ZNF595: variants seen among roughly 807,000 people sequenced by gnomAD.
The protein encoded by ZNF595 is zinc finger protein 595.
In ZNF595, 9 loss-of-function variants were observed where a neutral mutation model predicts 19.4. The observed-to-expected ratio is 0.46, with a 90% CI of 0.28 to 0.81. The LOEUF is 0.81. ZNF595 is among the 30% of genes least tolerant of loss of function. The probability of loss-of-function intolerance (pLI) is 0.11; values close to 1 mark genes in which losing one functional copy is unlikely to be tolerated. For missense variants in ZNF595, 729 were observed against 736.0 expected (o/e 0.99, Z 0.11); for synonymous variants, 255 against 255.9 (o/e 1.00, Z 0.03).
chr4:87,585 T>C lies in ZNF595; in HGVS notation c.*134T>C. On this transcript the variant is annotated 3_prime_UTR_variant, in exon 4 of 4. Transcript: ENST00000610261. ...AATTTCTGTAGGTACATAGTATGTG[T>C]ATCTATTCATGGCTTATTTGGATTA... 1.4e-6 allele frequency: 1 copy of C among 726,694 alleles called. No homozygotes were observed. The highest frequency in any genetic ancestry group is 3.1e-5 in the South Asian group (1 of 32,324). The allele number at this position is 726,694 out of a possible 1,614,324, so 45.0% of individuals were successfully genotyped here. A position where few individuals can be genotyped will look rare whatever the true frequency, so the allele number is the denominator to read the frequency against.
chr4:83,884 T>G (rs1324522807), intron 3 of ZNF595, among the ~76,000 whole-genome samples: 1 of 151,958 alleles, frequency 6.6e-6, no homozygotes, highest in African/African-American at 2.4e-5. Flanking sequence ...CTTATTTTAT[T>G]CATGTTATTT....
chr4:82,444 C>T (rs797028458), intron 3 of ZNF595, among the ~76,000 whole-genome samples: 32 of 133,016 alleles, frequency 2.4e-4, no homozygotes, highest in African/African-American at 7.9e-4. Context: ...AGTGCAACAG[C>T]GTGATCTCAG....
At chr4:82,376 T>TTTG (rs1713949917) in intron 3 of ZNF595, among the ~76,000 whole-genome samples, 2 of 91,642 alleles carry the variant, frequency 2.2e-5, no homozygotes, top group African/African-American at 1.1e-4. Context: ...TTTGTGGTTT[T>TTTG]TTTTTTTTTT....
Position 87,411 on chromosome 4 carries a change from C to T in ZNF595, c.1907C>T (p.Thr636Ile), listed in dbSNP as rs370216758. 45 of 1,609,906 alleles carry T rather than the reference C, an allele frequency of 2.8e-5. No individual in the cohort carries two copies. Among genetic ancestry groups the T allele is most frequent in the Non-Finnish European group, 3.5e-5 (41 of 1,177,904 alleles). Residue 636 changes from threonine to isoleucine, a missense_variant, in exon 4 of 4, where the codon ACT (threonine) becomes ATT (isoleucine). By Grantham distance (89) the Thr-to-Ile change is moderately conservative. Around this residue, in one of 2 missense-constraint regions of ZNF595, gnomAD observed 729 missense variants for 675.3 expected, o/e 1.08. Coordinates refer to ENST00000610261, the MANE Select transcript of ZNF595 (RefSeq NM_182524.4). ...GCTTTTAATCGGCCCTCAACCCTTA[C>T]TGTACACAAGCGAATTCATACTGGC... ...GKAFNRPSTL[T>I]VHKRIHTGKE... is the part of the protein sequence containing the mutation.
In ZNF595 at chr4:87,229, A is replaced by T; in HGVS notation, c.1725A>T (p.Leu575Phe). 5 of 1,594,896 alleles carry T rather than the reference A, an allele frequency of 3.1e-6. No individual in the cohort carries two copies. The Middle Eastern group carries it at 5.1e-4, about 161-fold the overall frequency. Residue 575 changes from leucine (L) to phenylalanine (F), a missense_variant, in exon 4 of 4, where the codon TTA becomes TTT. By Grantham distance (22) the Leu-to-Phe change is conservative (BLOSUM62 0). Around this residue, in one of 2 missense-constraint regions of ZNF595, gnomAD observed 729 missense variants for 675.3 expected, o/e 1.08. Transcript: ENST00000610261. ...KCKECGKAYN[L>F]SSTLTKHKRI... ...AAGAATGTGGCAAAGCCTATAACTT[A>T]TCCTCAACCCTTACTAAACATAAGA... is the stretch of plus-strand genomic sequence containing the variant.
chr4:77,015 C>A (rs1553798838), intron 3 of ZNF595, among the ~76,000 whole-genome samples: 1 of 152,060 alleles, frequency 6.6e-6, no homozygotes, highest in African/African-American at 2.4e-5. Context: ...AAATTTAGGA[C>A]ATTATCTTTA....
At chr4:75,813 G>GT (rs75823121) in intron 3 of ZNF595, among the ~76,000 whole-genome samples, 2,369 of 131,042 alleles carry the variant, frequency 0.018, 38 homozygotes, top group African/African-American at 0.05. Flanking sequence ...TTTTTTGGTT[G>GT]TTTTTTTTTT....
At chr4:83,619 C>CAAAAAAAAAAAAAAAAAA (rs71164492) in intron 3 of ZNF595, among the ~76,000 whole-genome samples, 5 of 38,598 alleles carry the variant, frequency 1.3e-4, no homozygotes, top group Admixed American at 3.5e-4. Context: ...GACTCCGTCT[C>CAAAAAAAAAAAAAAAAAA]AAAAAAAAAA....
chr4:82,389 T>TTTG (rs1713952643), intron 3 of ZNF595, among the ~76,000 whole-genome samples: 1 of 115,422 alleles, frequency 8.7e-6, no homozygotes, highest in African/African-American at 3.9e-5. Context: ...TTTTTTTTTT[T>TTTG]TTTTTTTTTT....
At chr4:73,240 G>A (rs1713504605) in intron 3 of ZNF595, among the ~76,000 whole-genome samples, 1 of 151,292 alleles carries the variant, frequency 6.6e-6, no homozygotes, top group African/African-American at 2.4e-5. Context: ...GAGCAAACAA[G>A]ATTAGAAAGT....
intron 3 of ZNF595, among the ~76,000 whole-genome samples, chr4:71,251 A>C (rs1388428159): frequency 1.3e-5 from 2 of 152,232 alleles, no homozygotes; most frequent in Admixed American, 1.3e-4. Context: ...TTCAAATATA[A>C]AACTACATCA....
Position 85,852 on chromosome 4 carries a change from C to A in ZNF595, c.348C>A (p.Gly116=). ...ATGAGAATTTACAATTAAGAAAAGG[C>A]TGTAAACGTGTGAATGAGTGTAAGG... ...CGHENLQLRK[G]CKRVNECKVQ... The change falls in exon 4 of 4, where the codon GGC becomes GGA. Residue 116 remains glycine (G), a synonymous_variant. Transcript: ENST00000610261. 6.2e-7 allele frequency: 1 copy of A among 1,614,004 alleles called. No homozygotes were observed.
chr4:78,962 G>T (rs1484136215), intron 3 of ZNF595, among the ~76,000 whole-genome samples: 6 of 152,166 alleles, frequency 3.9e-5, no homozygotes, highest in African/African-American at 1.4e-4. Flanking sequence ...GAAAGTGCTG[G>T]GATTACAGGC....
intron 3 of ZNF595, chr4:60,524 C>G (rs1581321811): frequency 8.3e-4 from 369 of 444,786 alleles, no homozygotes; most frequent in African/African-American, 6.4e-3. Context: ...GCCTAAAATA[C>G]GTAAGGTGAG....
chr4:72,222 A>G (rs1553797984), intron 3 of ZNF595, among the ~76,000 whole-genome samples: 1 of 152,252 alleles, frequency 6.6e-6, no homozygotes, highest in Non-Finnish European at 1.5e-5. Flanking sequence ...AAAAAAATCT[A>G]GTGATGTATT....
chr4:68,556 G>A (rs1713294242), intron 3 of ZNF595: 1 of 152,284 alleles, frequency 6.6e-6, no homozygotes. Context: ...TATCTATGAA[G>A]AAACGAGGAC....
At chr4:78,833 A>T (rs1005429082) in intron 3 of ZNF595, among the ~76,000 whole-genome samples, 2 of 152,138 alleles carry the variant, frequency 1.3e-5, no homozygotes, top group African/African-American at 2.4e-5. Context: ...AGCTGGGATT[A>T]CAGGAATGCA....
chr4:85,129 G>A lies in ZNF595; in HGVS notation c.227-602G>A, dbSNP rs74529587. Among the ~76,000 whole-genome samples, 883 of 152,222 alleles carry A rather than the reference G, an allele frequency of 5.8e-3. 3 individuals are homozygous for A. Among genetic ancestry groups the A allele is most frequent in the Middle Eastern group, 0.01 (3 of 294 alleles). Reference sequence around the variant, plus strand: ...AAGGATGTGTCTTGTCTGGAATTTTGTGTTTGTTTTTCAGTGAAAAGGGAT... The same window carrying A: ...AAGGATGTGTCTTGTCTGGAATTTTATGTTTGTTTTTCAGTGAAAAGGGAT... On this transcript the variant is annotated intron_variant, in intron 3 of 3. Transcript: ENST00000610261.
rs181634436 is a variant in ZNF595 at position 80,276 on chromosome 4, C to A, written c.227-5455C>A. Among the ~76,000 whole-genome samples, 6 of 152,290 alleles carry A rather than the reference C, an allele frequency of 3.9e-5. No individual in the cohort carries two copies. In the East Asian group the frequency reaches 1.2e-3, roughly 29 times the overall value. On this transcript the variant is annotated intron_variant, in intron 3 of 3. Coordinates refer to ENST00000610261, the MANE Select transcript of ZNF595 (RefSeq NM_182524.4). ...TCAGGTGATCCACCCGCCTCGGCCT[C>A]CCAAAGTGCTGGGATTATAGGCGTG...
Sources: allele counts gnomAD v4.1 joint callset (sites outside exome capture counted in the v4.1 genomes callset), GRCh38; gene constraint gnomAD v4.1.1; regional missense constraint gnomAD v4.1.1; transcripts MANE v1.5; gene names NCBI Gene and HGNC (gene_info 2026-07-23, HGNC 2026-07-21).